The following MIA3 variants were observed in gnomAD, a reference collection of about 807,000 sequenced individuals.
The protein encoded by MIA3 is MIA SH3 domain ER export factor 3.
Under a neutral mutation model 192.4 loss-of-function variants are expected in MIA3, and 90 were observed. The observed-to-expected ratio is 0.47, with a 90% CI of 0.39 to 0.56. MIA3 has a LOEUF of 0.56. Among genes scored for constraint, MIA3 ranks in the 20% least tolerant of loss-of-function variants. The pLI is 0.00. For synonymous variants in MIA3, 740 were observed against 792.8 expected (o/e 0.93, Z 1.12); for missense variants, 2,123 against 2,269.4 (o/e 0.94, Z 1.31).
chr1:222,645,181 A>G (rs1426526093), intron 6 of MIA3, among the ~76,000 whole-genome samples: 1 of 152,256 alleles, frequency 6.6e-6, no homozygotes, highest in Non-Finnish European at 1.5e-5. Flanking sequence ...TTACTTGTAT[A>G]TAAAAGGTTT....
chr1:222,651,189 G>GTGTTT (rs1323327523), intron 11 of MIA3, among the ~76,000 whole-genome samples: 2 of 148,610 alleles, frequency 1.3e-5, no homozygotes, highest in African/African-American at 4.9e-5. Context: ...AACAGTCCTT[G>GTGTTT]TGTTTTGTTT....
intron 18 of MIA3, among the ~76,000 whole-genome samples, chr1:222,656,756 A>G (rs995178028): frequency 2.6e-5 from 4 of 152,102 alleles, no homozygotes; most frequent in African/African-American, 7.2e-5. Flanking sequence ...AATGCCTCCT[A>G]CATTCTGAAT....
chr1:222,664,237 C>G, intron 27 of MIA3, 89 bp downstream of exon 27: 1 of 1,386,438 alleles, frequency 7.2e-7, no homozygotes, highest in Middle Eastern at 1.8e-4. Flanking sequence ...AATTGCGGGG[C>G]TTTGCAATGC....
Position 222,627,650 on chromosome 1 carries a change from T to C in MIA3, c.430T>C (p.Leu144=). The change falls in exon 4 of 28, where the codon TTG becomes CTG. Residue 144 remains leucine (L), a synonymous_variant. Transcript: ENST00000344922. The stretch of plus-strand genomic sequence containing the variant: ...TAATGTAGAAGAACTTTTAGGGTTT[T>C]TGGAACTGTACAATTCTGCAGCTAC... ...NYNVEELLGF[L]ELYNSAATDS... 1 of 1,601,874 alleles carries C rather than the reference T, an allele frequency of 6.2e-7. No individual in the cohort carries two copies. The highest frequency in any genetic ancestry group is 8.5e-7 in the Non-Finnish European group (1 of 1,176,958).
In MIA3 at chr1:222,629,173, G is replaced by A. The variant is rs777511329; in HGVS notation, c.1953G>A (p.Leu651=). The stretch of plus-strand genomic sequence containing the variant: ...AACTGGAAGACGAGGTTCCCATTCT[G>A]GGAAGAAATCTTCCCTGGCAACAAG... ...PRELEDEVPI[L]GRNLPWQQER... Residue 651 remains leucine (L), a synonymous_variant, in exon 4 of 28, where the codon CTG becomes CTA. Transcript: ENST00000344922. The A allele has an allele frequency of 5.6e-6, 9 of 1,613,968 alleles. No individual in the cohort carries two copies. The highest frequency in any genetic ancestry group is 7.6e-6 in the Non-Finnish European group (9 of 1,180,006).
chr1:222,652,346 C>G lies in MIA3; in HGVS notation c.4086+14C>G, dbSNP rs530757611. The G allele has an allele frequency of 5.8e-6, 9 of 1,539,872 alleles. No homozygotes were observed. Among genetic ancestry groups the G allele is most frequent in the Non-Finnish European group, 1.8e-6 (2 of 1,112,904 alleles). ...AAAAAAGAGCAGGTAAAGGAAAGTG[C>G]GTGTCCCAGGTCATGTAAAATAGAG... On this transcript the variant is annotated intron_variant, in intron 13 of 27. Transcript: ENST00000344922.
chr1:222,642,828 T>TTA (rs1662923938), intron 6 of MIA3, among the ~76,000 whole-genome samples: 1 of 152,228 alleles, frequency 6.6e-6, no homozygotes. Context: ...TTCCATATGT[T>TTA]TTTAAATTAT....
chr1:222,619,589 A>G (rs1237272515), intron 1 of MIA3, among the ~76,000 whole-genome samples: 3 of 152,252 alleles, frequency 2.0e-5, no homozygotes, highest in African/African-American at 7.2e-5. Flanking sequence ...TTCTTGGGTC[A>G]AAGCCACGCT....
chr1:222,648,905 A>C (rs1215641428), intron 8 of MIA3, 55 bp downstream of exon 8: 4 of 1,152,144 alleles, frequency 3.5e-6, no homozygotes, highest in Non-Finnish European at 2.5e-6. Context: ...TTGGTGTTTG[A>C]TATGGATTTT....
At chr1:222,630,484 A>T (rs923678835) in intron 4 of MIA3, 95 bp downstream of exon 4, 18 of 1,310,012 alleles carry the variant, frequency 1.4e-5, no homozygotes, top group Admixed American at 2.3e-5. Flanking sequence ...TTCAGTTTCC[A>T]ATGTGCCTAA....
Position 222,629,524 on chromosome 1 carries a change from C to T in MIA3, c.2304C>T (p.Thr768=). ...TCCCTGACAGAGCAGTTTTAGGGAC[C>T]ATTCATCCAGATCCAGAAATTGAAG... ...LQVPDRAVLG[T]IHPDPEIEES... The change falls in exon 4 of 28, where the codon ACC becomes ACT. Residue 768 remains threonine (T), a synonymous_variant. Coordinates refer to ENST00000344922, the MANE Select transcript of MIA3 (RefSeq NM_198551.4). 5 of 1,613,938 alleles carry T rather than the reference C, an allele frequency of 3.1e-6. No individual in the cohort carries two copies. Among genetic ancestry groups the T allele is most frequent in the Non-Finnish European group, 4.2e-6 (5 of 1,179,996 alleles).
At chr1:222,646,929 AAGT>A (rs1409951227) in intron 7 of MIA3, among the ~76,000 whole-genome samples, 7 of 152,198 alleles carry the variant, frequency 4.6e-5, no homozygotes, top group Admixed American at 6.5e-5. Context: ...ATTTAACATG[AAGT>A]AGAAAAAAAG....
Position 222,652,319 on chromosome 1 carries a change from A to G in MIA3, c.4073A>G (p.Lys1358Arg). 6.2e-7 allele frequency: 1 copy of G among 1,612,330 alleles called. No individual in the cohort carries two copies. Among genetic ancestry groups the G allele is most frequent in the Admixed American group, 1.7e-5 (1 of 60,024 alleles). Reference sequence around the variant, plus strand: ...CAAGAAGAAAATGCTAGGCTTAAGAAGAAAAAAGAGCAGGTAAAGGAAAGT... The same window carrying G: ...CAAGAAGAAAATGCTAGGCTTAAGAGGAAAAAAGAGCAGGTAAAGGAAAGT... ...RVQEENARLK[K>R]KKEQLQQEIE... The change falls in exon 13 of 28, where the codon AAG (lysine) becomes AGG (arginine). Residue 1358 changes from lysine (K) to arginine (R), a missense_variant. Around this residue, in one of 3 missense-constraint regions of MIA3, gnomAD observed 762 missense variants for 856.4 expected, o/e 0.89. Coordinates refer to ENST00000344922, the MANE Select transcript of MIA3 (RefSeq NM_198551.4).
At chr1:222,636,764 G>A (rs530105956) in intron 6 of MIA3, among the ~76,000 whole-genome samples, 5 of 152,084 alleles carry the variant, frequency 3.3e-5, no homozygotes, top group African/African-American at 7.2e-5. Flanking sequence ...CACCGGCCTC[G>A]GCCTTCCAAA....
chr1:222,659,248 T>C (rs1351780188), intron 19 of MIA3: 1 of 569,136 alleles, frequency 1.8e-6, no homozygotes, highest in Non-Finnish European at 3.1e-6. Flanking sequence ...ATATATCAAC[T>C]CAATCTCCAG....
Position 222,652,501 on chromosome 1 carries a change from C to T in MIA3, c.4086+169C>T, listed in dbSNP as rs186906216. The stretch of plus-strand genomic sequence containing the variant: ...AAAATTGAGTGTAGGTATACATTCT[C>T]TATCTGTTCTGGATTTTCTGTTCTG... On this transcript the variant is annotated intron_variant, in intron 13 of 27. Transcript: ENST00000344922. 2.2e-3 allele frequency among the ~76,000 whole-genome samples: 339 copies of T among 152,310 alleles called. 1 individual carries two copies. The highest frequency in any genetic ancestry group is 6.1e-3 in the Admixed American group (93 of 15,292).
chr1:222,640,466 A>G (rs991202436), intron 6 of MIA3, among the ~76,000 whole-genome samples: 1 of 152,188 alleles, frequency 6.6e-6, no homozygotes, highest in African/African-American at 2.4e-5. Flanking sequence ...GGAAATATAC[A>G]TGTATGACAG....
rs1302552181 is a variant in MIA3, at chr1:222,660,314, G to A, written c.5113G>A (p.Gly1705Arg). 2 of 1,606,778 alleles carry A rather than the reference G, an allele frequency of 1.2e-6. No homozygotes were observed. The highest frequency in any genetic ancestry group is 2.7e-5 in the African/African-American group (2 of 74,478). Residue 1705 changes from glycine to arginine, a missense_variant and splice_region_variant, in exon 24 of 28, where the codon GGA becomes AGA. Coordinates refer to ENST00000344922, the MANE Select transcript of MIA3 (RefSeq NM_198551.4). ...NRRDMPRSEFGSVDGPLPHPR... is the reference protein window; with the variant it reads ...NRRDMPRSEFRSVDGPLPHPR... ...AAGAGATATGCCTAGAAGTGAATTT[G>A]GTGAGCATTCACATGTTTCCTTGCA...
chr1:222,667,505 TTAGAG>T lies in MIA3; in HGVS notation c.*1889_*1893del, dbSNP rs897905373. ...AAATCTATTTTTAAAATTCAAAATA[TTAGAG>T]TATTTTTCCCCTCTAAAGCCTTTTT... On this transcript the variant is annotated 3_prime_UTR_variant, in exon 28 of 28. Coordinates refer to ENST00000344922, the MANE Select transcript of MIA3 (RefSeq NM_198551.4). The T allele has an allele frequency of 8.5e-5, 13 of 152,334 alleles. No homozygotes were observed. Among genetic ancestry groups the T allele is most frequent in the African/African-American group, 3.1e-4 (13 of 41,572 alleles). The allele number at this position is 152,334 out of a possible 1,614,324, so 9.4% of individuals were successfully genotyped here. A position where few individuals can be genotyped will look rare whatever the true frequency, so the allele number is the denominator to read the frequency against.
Sources: gnomAD v4.1 joint callset for allele counts (sites outside exome capture counted in the v4.1 genomes callset) on GRCh38, gnomAD v4.1.1 for gene constraint, gnomAD v4.1.1 regional missense constraint, MANE v1.5 for transcripts, NCBI Gene and HGNC (gene_info 2026-07-23, HGNC 2026-07-21) for gene names.